PPM1G: variants seen among roughly 807,000 people sequenced by gnomAD.
The protein encoded by PPM1G is protein phosphatase, Mg2+/Mn2+ dependent 1G.
Under a neutral mutation model 59.4 loss-of-function variants are expected in PPM1G, and 12 were observed. The observed-to-expected ratio is 0.20, with a 90% CI of 0.13 to 0.33. PPM1G has a LOEUF of 0.33. PPM1G is among the 10% of genes least tolerant of loss of function. The pLI is 1.00. For missense variants in PPM1G, 392 were observed against 681.3 expected, an observed-to-expected ratio of 0.58 and a Z score of 4.73; for synonymous variants, 245 against 251.9, an observed-to-expected ratio of 0.97 and a Z score of 0.26.
intron 1 of PPM1G, among the ~76,000 whole-genome samples, chr2:27,399,167 C>A (rs1444344320): frequency 6.6e-6 from 1 of 151,688 alleles, no homozygotes; most frequent in Non-Finnish European, 1.5e-5. Flanking sequence ...ACAACAACAA[C>A]AACAAAAACA....
intron 1 of PPM1G, among the ~76,000 whole-genome samples, chr2:27,400,310 G>A (rs1046123859): frequency 6.6e-6 from 1 of 152,180 alleles, no homozygotes; most frequent in African/African-American, 2.4e-5. Flanking sequence ...GCTGAGGCAG[G>A]AGAATCGCTT....
At position 27,383,663 on chromosome 2, in the gene PPM1G, C is replaced by CA; in HGVS notation, c.967-64_967-63insT. 1 of 1,458,092 alleles carries CA rather than the reference C, an allele frequency of 6.9e-7. No homozygotes were observed. Among genetic ancestry groups the CA allele is most frequent in the Non-Finnish European group, 9.3e-7 (1 of 1,070,094 alleles). The allele number at this position is 1,458,092 out of a possible 1,614,324, so 90.3% of individuals were successfully genotyped here. Reference sequence around the variant, plus strand: ...AACATGCGTTCCTCACTGATGTGCTCCTGATCGTTCACCTATGCTTGCTTT... The same window carrying CA: ...AACATGCGTTCCTCACTGATGTGCTCACTGATCGTTCACCTATGCTTGCTTT... On this transcript the variant is annotated intron_variant, in intron 6 of 9. Transcript: ENST00000344034. This position sits in a 1 kb window ranked among gnomAD's most constrained non-coding sequence, Gnocchi z 5.0.
chr2:27,388,189 T>G (rs1219099444), intron 1 of PPM1G, among the ~76,000 whole-genome samples: 1 of 151,810 alleles, frequency 6.6e-6, no homozygotes, highest in Non-Finnish European at 1.5e-5. Context: ...GGCCGGCAGA[T>G]CATGAAGTCA....
chr2:27,398,838 A>AAAAG (rs1014711017), intron 1 of PPM1G, among the ~76,000 whole-genome samples: 1 of 151,870 alleles, frequency 6.6e-6, no homozygotes, highest in Non-Finnish European at 1.5e-5. Context: ...AAAAGAAAAA[A>AAAAG]AAAGAAAGAA....
chr2:27,393,580 C>T (rs1683972311), intron 1 of PPM1G, among the ~76,000 whole-genome samples: 1 of 152,054 alleles, frequency 6.6e-6, no homozygotes, highest in South Asian at 2.1e-4. Context: ...AACGTCTCAA[C>T]TTTTAATTAT....
At chr2:27,389,776 C>A (rs115391191) in intron 1 of PPM1G, among the ~76,000 whole-genome samples, 1,606 of 152,198 alleles carry the variant, frequency 0.011, 26 homozygotes, top group African/African-American at 0.037. Flanking sequence ...CCAGCCTAGG[C>A]AACATAGCAA....
In PPM1G at chr2:27,404,952, A is replaced by G. The variant is rs1663314098; in HGVS notation, c.120+4351T>C. 4.6e-5 allele frequency among the ~76,000 whole-genome samples: 7 copies of G among 151,550 alleles called. No individual in the cohort carries two copies. In the South Asian group the frequency reaches 1.5e-3, roughly 32 times the overall value. ...GTGCAAGACTCCGTCTCGGAGAAAA[A>G]AAAAAAAAAAAAAGACTACATCAAC... On this transcript the variant is annotated intron_variant, in intron 1 of 9. Transcript: ENST00000344034.
At chr2:27,394,763 A>C (rs1684004749) in intron 1 of PPM1G, among the ~76,000 whole-genome samples, 1 of 150,466 alleles carries the variant, frequency 6.6e-6, no homozygotes, top group Non-Finnish European at 1.5e-5. Flanking sequence ...AAAAAAAAAA[A>C]AGATATTCTT....
At chr2:27,402,188 A>G (rs184769336) in intron 1 of PPM1G, among the ~76,000 whole-genome samples, 153 of 152,356 alleles carry the variant, frequency 1.0e-3, no homozygotes, top group Non-Finnish European at 1.7e-3. Context: ...AAAAACAACT[A>G]CACTGAAATC....
Position 27,409,444 on chromosome 2 carries a change from T to G in PPM1G, c.-22A>C. 1 of 1,497,588 alleles carries G rather than the reference T, an allele frequency of 6.7e-7. No individual in the cohort carries two copies. Among genetic ancestry groups the G allele is most frequent in the Non-Finnish European group, 8.9e-7 (1 of 1,124,652 alleles). 92.8% of individuals were successfully genotyped at this position (1,497,588 alleles called of 1,614,324 possible). A position where few individuals can be genotyped will look rare whatever the true frequency, so the allele number is the denominator to read the frequency against. On this transcript the variant is annotated 5_prime_UTR_variant, in exon 1 of 10. Coordinates refer to ENST00000344034, the MANE Select transcript of PPM1G (RefSeq NM_177983.3). ...CCATGGCGGCGGCTGGCCGGCGGCC[T>G]CAGGTGCAGGAAAGCTGGGCGCGAC...
rs971140210 is a variant in PPM1G at position 27,383,235 on chromosome 2, A to C, written c.1201+131T>G. 1.9e-5 allele frequency: 14 copies of C among 721,876 alleles called. No individual in the cohort carries two copies. The African/African-American group carries it at 2.3e-4, about 12-fold the overall frequency. 44.7% of individuals were successfully genotyped at this position (721,876 alleles called of 1,614,324 possible). On this transcript the variant is annotated intron_variant, in intron 7 of 9. Coordinates refer to ENST00000344034, the MANE Select transcript of PPM1G (RefSeq NM_177983.3). The surrounding 1 kb of genome is among the most constrained non-coding windows in gnomAD (Gnocchi z 5.0). The stretch of plus-strand genomic sequence containing the variant: ...CCCATCTTAGTTATTTCACAGAAAT[A>C]TAAGAACAGAGGTAGTAGATATTAA...
Position 27,381,646 on chromosome 2 carries a change from C to T in PPM1G, c.1594G>A (p.Glu532Lys). 4 of 1,614,110 alleles carry T rather than the reference C, an allele frequency of 2.5e-6. No homozygotes were observed. Among genetic ancestry groups the T allele is most frequent in the Non-Finnish European group, 3.4e-6 (4 of 1,180,040 alleles). Residue 532 changes from glutamate to lysine, a missense_variant, in exon 10 of 10, where the codon GAA becomes AAA. Physicochemically the swap from Glu to Lys is moderately conservative, Grantham distance 56. Around this residue, in one of 6 missense-constraint regions of PPM1G, gnomAD observed 49 missense variants for 43.4 expected, o/e 1.13. Coordinates refer to ENST00000344034, the MANE Select transcript of PPM1G (RefSeq NM_177983.3). Reference sequence around the variant, plus strand: ...TTCTTGTCGCTGTTGCCATTTTCTTCAGCCCCCTCAGTAGAGAGCACCTCC... The same window carrying T: ...TTCTTGTCGCTGTTGCCATTTTCTTTAGCCCCCTCAGTAGAGAGCACCTCC... ...LEEVLSTEGA[E>K]ENGNSDKKKK...
At chr2:27,397,540 A>G (rs1684080977) in intron 1 of PPM1G, among the ~76,000 whole-genome samples, 1 of 152,216 alleles carries the variant, frequency 6.6e-6, no homozygotes, top group Non-Finnish European at 1.5e-5. Flanking sequence ...TTAACATTCA[A>G]AAAAATCACT....
intron 9 of PPM1G, 52 bp from the exon 10 acceptor site, chr2:27,381,857 G>C (rs753945540): frequency 2.6e-6 from 4 of 1,564,156 alleles, no homozygotes; most frequent in Admixed American, 1.7e-5. Flanking sequence ...ACCTTGCCAG[G>C]AATCTACAGT....
Position 27,382,299 on chromosome 2 carries a change from G to C in PPM1G, c.1332-71C>G, listed in dbSNP as rs1395265221. The C allele has an allele frequency of 1.3e-6, 2 of 1,563,764 alleles. No individual in the cohort carries two copies. Among genetic ancestry groups the C allele is most frequent in the Admixed American group, 3.3e-5 (2 of 59,802 alleles). ...AGCGTAGAGGAGTATGGACAGAGGT[G>C]GTGGCCCAGGCCAGTGTAAATAACT... On this transcript the variant is annotated intron_variant, in intron 8 of 9. Coordinates refer to ENST00000344034, the MANE Select transcript of PPM1G (RefSeq NM_177983.3). This position sits in a 1 kb window ranked among gnomAD's most constrained non-coding sequence, Gnocchi z 4.2.
chr2:27,392,624 G>A (rs1332617185), intron 1 of PPM1G, among the ~76,000 whole-genome samples: 1 of 138,582 alleles, frequency 7.2e-6, no homozygotes, highest in Non-Finnish European at 1.6e-5. Flanking sequence ...GGGGGGGGAG[G>A]GTACCAAATT....
intron 1 of PPM1G, among the ~76,000 whole-genome samples, chr2:27,406,596 C>A (rs749100948): frequency 6.6e-6 from 1 of 152,152 alleles, no homozygotes; most frequent in Non-Finnish European, 1.5e-5. Flanking sequence ...GATCTCTACA[C>A]ACTAAACCGT....
In PPM1G at chr2:27,383,835, A is replaced by G. The variant is rs1572659833; in HGVS notation, c.966+117T>C. 3.5e-6 allele frequency: 5 copies of G among 1,439,750 alleles called. No homozygotes were observed. The South Asian group carries it at 6.9e-5, about 20-fold the overall frequency. The allele number at this position is 1,439,750 out of a possible 1,614,324, so 89.2% of individuals were successfully genotyped here. A position where few individuals can be genotyped will look rare whatever the true frequency, so the allele number is the denominator to read the frequency against. On this transcript the variant is annotated intron_variant, in intron 6 of 9. Transcript: ENST00000344034. This position sits in a 1 kb window ranked among gnomAD's most constrained non-coding sequence, Gnocchi z 5.0. ...CATTCCCCTTGCAGAATAAATCCCC[A>G]TGACTATTACTTCCATCCTAAAGTA...
chr2:27,385,977 C>A lies in PPM1G; in HGVS notation c.277-98G>T. On this transcript the variant is annotated intron_variant, in intron 3 of 9. Transcript: ENST00000344034. This position sits in a 1 kb window ranked among gnomAD's most constrained non-coding sequence, Gnocchi z 4.1. The stretch of plus-strand genomic sequence containing the variant: ...GAATACAAATTAAGAGTGTGAGCCA[C>A]CACACTAAGAGACACTCACAGATAA... The A allele has an allele frequency of 7.1e-7, 1 of 1,414,472 alleles. No homozygotes were observed. The highest frequency in any genetic ancestry group is 9.5e-7 in the Non-Finnish European group (1 of 1,047,304). The allele number at this position is 1,414,472 out of a possible 1,614,324, so 87.6% of individuals were successfully genotyped here.
Sources: allele counts gnomAD v4.1 joint callset (sites outside exome capture counted in the v4.1 genomes callset), GRCh38; gene constraint gnomAD v4.1.1; regional missense constraint gnomAD v4.1.1; non-coding constraint Gnocchi (gnomAD v3.1); transcripts MANE v1.5; gene names NCBI Gene and HGNC (gene_info 2026-07-23, HGNC 2026-07-21).